The following PFN1 variants were observed in gnomAD, a reference collection of about 807,000 sequenced individuals.
The protein encoded by PFN1 is profilin-1.
Under a neutral mutation model 11.7 loss-of-function variants are expected in PFN1, and 2 were observed. That is an observed-to-expected ratio of 0.17 (90% CI 0.07 to 0.54). The LOEUF is 0.54. Ranked by LOEUF, PFN1 falls within the 20% of genes least tolerant of loss-of-function variation. PFN1 has a pLI of 0.94. For missense variants in PFN1, 97 were observed against 188.4 expected, an observed-to-expected ratio of 0.51 and a Z score of 2.84; for synonymous variants, 78 against 76.2, an observed-to-expected ratio of 1.02 and a Z score of -0.12.
chr17:4,947,771 G>A lies in PFN1; in HGVS notation c.132+492C>T, dbSNP rs535140120. ...CGCCCTCTCTAACGGAGTTAGGAGG[G>A]GCCAGAAGCCCACAGAGGGTGGGCA... On this transcript the variant is annotated intron_variant, in intron 1 of 2. Transcript: ENST00000225655. 4.6e-5 allele frequency among the ~76,000 whole-genome samples: 7 copies of A among 152,238 alleles called. No homozygotes were observed. The South Asian group carries it at 8.3e-4, about 18-fold the overall frequency.
Position 4,948,397 on chromosome 17 carries a change from CGCTGCTACTGGG to C in PFN1, c.-15_-4del. 6.2e-7 allele frequency: 1 copy of C among 1,602,870 alleles called. No homozygotes were observed. The highest frequency in any genetic ancestry group is 8.5e-7 in the Non-Finnish European group (1 of 1,176,910). ...ATGTAGGCGTTCCACCCGGCCATGG[CGCTGCTACTGGG>C]GCTGCTCTCGGCGCTGCTGCTGGGG... On this transcript the variant is annotated 5_prime_UTR_variant, in exon 1 of 3. Transcript: ENST00000225655.
In PFN1 at chr17:4,948,454, T is replaced by C; in HGVS notation, c.-60A>G. 6.7e-7 allele frequency: 1 copy of C among 1,501,150 alleles called. No homozygotes were observed. Among genetic ancestry groups the C allele is most frequent in the Non-Finnish European group, 8.8e-7 (1 of 1,131,534 alleles). The allele number at this position is 1,501,150 out of a possible 1,614,324, so 93.0% of individuals were successfully genotyped here. ...CTGGGGCCGCGGACTGGGCTCGAGC[T>C]GCCTCGGCTGGCGGGCGGGGGGAGG... On this transcript the variant is annotated 5_prime_UTR_variant, in exon 1 of 3. Coordinates refer to ENST00000225655, the MANE Select transcript of PFN1 (RefSeq NM_005022.4).
At chr17:4,947,925 C>T (rs1432836317) in intron 1 of PFN1, among the ~76,000 whole-genome samples, 1 of 152,198 alleles carries the variant, frequency 6.6e-6, no homozygotes, top group Admixed American at 6.5e-5. Context: ...AATCCCAATC[C>T]CCAGTAAAAA....
At position 4,946,125 on chromosome 17, in the gene PFN1, C is replaced by A. The variant is rs937772502; in HGVS notation, c.326-128G>T. The A allele has an allele frequency of 1.2e-5, 8 of 652,458 alleles. 1 individual carries two copies. In the Middle Eastern group the frequency reaches 1.8e-3, roughly 149 times the overall value. 40.4% of individuals were successfully genotyped at this position (652,458 alleles called of 1,614,324 possible). On this transcript the variant is annotated intron_variant, in intron 2 of 2. Coordinates refer to ENST00000225655, the MANE Select transcript of PFN1 (RefSeq NM_005022.4). ...CCTCATCTCTCCCAACCCGCCCCCC[C>A]ACCACACACAGGCAGGCTGTCAGTC... is the stretch of plus-strand genomic sequence containing the variant.
intron 1 of PFN1, among the ~76,000 whole-genome samples, chr17:4,947,907 C>A (rs918680094): frequency 4.6e-5 from 7 of 152,188 alleles, no homozygotes; most frequent in Non-Finnish European, 4.4e-5. Flanking sequence ...ATCCCCGGGT[C>A]CCCTCTCAAT....
intron 1 of PFN1, chr17:4,948,018 C>G: frequency 2.3e-6 from 1 of 438,704 alleles, no homozygotes; most frequent in Non-Finnish European, 4.0e-6. Flanking sequence ...GCCCTGTGCC[C>G]CGGATGTAAC....
In PFN1 at chr17:4,945,835, G is replaced by A. The variant is rs1359125112; in HGVS notation, c.*65C>T. The A allele has an allele frequency of 6.6e-6, 7 of 1,059,150 alleles. No homozygotes were observed. Among genetic ancestry groups the A allele is most frequent in the East Asian group, 2.4e-5 (1 of 42,046 alleles). 65.6% of individuals were successfully genotyped at this position (1,059,150 alleles called of 1,614,324 possible). On this transcript the variant is annotated 3_prime_UTR_variant, in exon 3 of 3. Transcript: ENST00000225655. ...TGGCCCAAAAAATAAAATGGTTTGTGTGTGTATGGGGAGGAAAGGGGTGCA... is the reference window on the plus strand; with the variant it reads ...TGGCCCAAAAAATAAAATGGTTTGTATGTGTATGGGGAGGAAAGGGGTGCA...
intron 1 of PFN1, 63 bp downstream of exon 1, chr17:4,948,200 C>G (rs1971449005): frequency 6.6e-7 from 1 of 1,512,982 alleles, no homozygotes; most frequent in African/African-American, 1.4e-5. Flanking sequence ...CCGCCCCCAC[C>G]CAAGTCCCTC....
At chr17:4,948,204 G>C (rs1971449039) in intron 1 of PFN1, 59 bp downstream of exon 1, 135 of 1,129,654 alleles carry the variant, frequency 1.2e-4, no homozygotes, top group Non-Finnish European at 1.4e-4. Flanking sequence ...CCCCACCCAA[G>C]TCCCTCCCTC....
chr17:4,948,418 C>A lies in PFN1; in HGVS notation c.-24G>T. ...ATGGCGCTGCTACTGGGGCTGCTCT[C>A]GGCGCTGCTGCTGGGGCCGCGGACT... On this transcript the variant is annotated 5_prime_UTR_variant, in exon 1 of 3. Coordinates refer to ENST00000225655, the MANE Select transcript of PFN1 (RefSeq NM_005022.4). 1 of 1,581,626 alleles carries A rather than the reference C, an allele frequency of 6.3e-7. No individual in the cohort carries two copies. Among genetic ancestry groups the A allele is most frequent in the Non-Finnish European group, 8.6e-7 (1 of 1,168,530 alleles).
At position 4,945,816 on chromosome 17, in the gene PFN1, A is replaced by C. The variant is rs945915055; in HGVS notation, c.*84T>G. ...AATAAGGGGTATGGGGTAATGGCCCAAAAAATAAAATGGTTTGTGTGTGTA... is the reference window on the plus strand; with the variant it reads ...AATAAGGGGTATGGGGTAATGGCCCCAAAAATAAAATGGTTTGTGTGTGTA... On this transcript the variant is annotated 3_prime_UTR_variant, in exon 3 of 3. Transcript: ENST00000225655. 3 of 983,566 alleles carry C rather than the reference A, an allele frequency of 3.1e-6. No individual in the cohort carries two copies. Among genetic ancestry groups the C allele is most frequent in the Non-Finnish European group, 4.9e-6 (3 of 618,064 alleles). 60.9% of individuals were successfully genotyped at this position (983,566 alleles called of 1,614,324 possible).
intron 1 of PFN1, chr17:4,947,390 G>A (rs890856825): frequency 6.6e-6 from 1 of 152,110 alleles, no homozygotes; most frequent in Non-Finnish European, 1.5e-5. Flanking sequence ...AGGTGGACAG[G>A]GGCCAGACCC....
At chr17:4,946,147 A>G in intron 2 of PFN1, 150 bp from the exon 3 acceptor site, 1 of 593,942 alleles carries the variant, frequency 1.7e-6, no homozygotes, top group Non-Finnish European at 3.0e-6. Flanking sequence ...GCAGGCTGTC[A>G]GTCACCCTGA....
rs1488241167 is a variant in PFN1 at position 4,945,794 on chromosome 17, A to G, written c.*106T>C. ...CAGCCCATGTGGTTTTGGCAGCAAT[A>G]AGGGGTATGGGGTAATGGCCCAAAA... On this transcript the variant is annotated 3_prime_UTR_variant, in exon 3 of 3. Transcript: ENST00000225655. 4.1e-6 allele frequency: 3 copies of G among 730,378 alleles called. No individual in the cohort carries two copies. Among genetic ancestry groups the G allele is most frequent in the Non-Finnish European group, 7.3e-6 (3 of 411,870 alleles). 45.2% of individuals were successfully genotyped at this position (730,378 alleles called of 1,614,324 possible). A position where few individuals can be genotyped will look rare whatever the true frequency, so the allele number is the denominator to read the frequency against.
chr17:4,947,656 G>A (rs1478556212), intron 1 of PFN1, among the ~76,000 whole-genome samples: 1 of 152,224 alleles, frequency 6.6e-6, no homozygotes, highest in African/African-American at 2.4e-5. Context: ...CCCGCCGGAT[G>A]GCGGGAAGGG....
rs1379707764 is a variant in PFN1, at chr17:4,946,609, G to A, written c.325+19C>T. On this transcript the variant is annotated intron_variant, in intron 2 of 2. Coordinates refer to ENST00000225655, the MANE Select transcript of PFN1 (RefSeq NM_005022.4). ...TAGAGATCTTGGAGCTAAAGGAAGG[G>A]TAAGACTCAGGAACTCACTCTTGTC... 3.8e-6 allele frequency: 6 copies of A among 1,586,788 alleles called. No individual in the cohort carries two copies. Among genetic ancestry groups the A allele is most frequent in the Non-Finnish European group, 5.2e-6 (6 of 1,164,240 alleles).
At chr17:4,946,600 A>T in intron 2 of PFN1, 28 bp downstream of exon 2, 1 of 1,558,442 alleles carries the variant, frequency 6.4e-7, no homozygotes, top group Non-Finnish European at 8.7e-7. Flanking sequence ...TCTTGGAGCT[A>T]AAGGAAGGGT....
chr17:4,948,063 G>T, intron 1 of PFN1, 200 bp downstream of exon 1: 1 of 510,684 alleles, frequency 2.0e-6, no homozygotes, highest in Non-Finnish European at 3.3e-6. Context: ...CGGGCGGGAT[G>T]GGCGCCGCCG....
intron 1 of PFN1, chr17:4,947,963 G>A (rs942697790): frequency 1.4e-4 from 43 of 313,744 alleles, no homozygotes; most frequent in Non-Finnish European, 2.3e-4. Flanking sequence ...CCCGCCCTGG[G>A]AGAGGCGGAA....
Sources: gnomAD v4.1 joint callset for allele counts (sites outside exome capture counted in the v4.1 genomes callset) on GRCh38, gnomAD v4.1.1 for gene constraint, MANE v1.5 for transcripts, NCBI Gene and HGNC (gene_info 2026-07-23, HGNC 2026-07-21) for gene names.